Variants in DDC observed in about 807,000 individuals in gnomAD.
DDC encodes the protein aromatic-L-amino-acid decarboxylase.
DDC carries 43 observed loss-of-function variants against 60.0 expected under a neutral mutation model. The observed-to-expected ratio is 0.72, with a 90% CI of 0.56 to 0.92. The LOEUF is 0.92. Ranked by LOEUF, DDC falls within the 40% of genes least tolerant of loss-of-function variation. The probability of loss-of-function intolerance (pLI) is 0.00; values close to 1 mark genes in which losing one functional copy is unlikely to be tolerated. For synonymous variants in DDC, 232 were observed against 234.6 expected (o/e 0.99, Z 0.10); for missense variants, 573 against 620.2 (o/e 0.92, Z 0.81).
At chr7:50,556,055 C>G (rs542847449) in intron 1 of DDC, among the ~76,000 whole-genome samples, 4 of 152,188 alleles carry the variant, frequency 2.6e-5, no homozygotes, top group African/African-American at 9.7e-5. Flanking sequence ...ACAGGGGCAC[C>G]GCAGCTTCCA....
At chr7:50,464,765 G>A (rs941597853) in intron 13 of DDC, among the ~76,000 whole-genome samples, 4 of 152,156 alleles carry the variant, frequency 2.6e-5, no homozygotes, top group African/African-American at 9.7e-5. Flanking sequence ...GAGGGACCGT[G>A]ATGCCATAGC....
In DDC at chr7:50,499,238, G is replaced by A. The variant is rs1344599616; in HGVS notation, c.786C>T (p.Asn262=). The change falls in exon 8 of 15, where the codon AAC becomes AAT. Residue 262 remains asparagine (N), a synonymous_variant. Coordinates refer to ENST00000444124, the MANE Select transcript of DDC (RefSeq NM_001082971.2). ...CAACGTGCAGCCATATGTCTTCCTT[G>A]TTGCCTAAAGTTCAGAATCAACTTG... ...DNLLEVGPIC[N]KEDIWLHVDA... 3 of 1,611,570 alleles carry A rather than the reference G, an allele frequency of 1.9e-6. No homozygotes were observed. In the African/African-American group the frequency reaches 4.0e-5, roughly 22 times the overall value.
intron 4 of DDC, among the ~76,000 whole-genome samples, chr7:50,534,014 T>G (rs1215327619): frequency 6.6e-6 from 1 of 152,230 alleles, no homozygotes; most frequent in East Asian, 1.9e-4. Flanking sequence ...CTTGCTTTTA[T>G]TGAGTGCAAG....
chr7:50,470,799 G>A (rs970237673), intron 11 of DDC, among the ~76,000 whole-genome samples: 5 of 152,180 alleles, frequency 3.3e-5, no homozygotes, highest in African/African-American at 7.2e-5. Context: ...TCAGTTGACC[G>A]GCCCCCACAC....
At chr7:50,562,525 C>A (rs2045365130) in intron 1 of DDC, among the ~76,000 whole-genome samples, 1 of 152,256 alleles carries the variant, frequency 6.6e-6, no homozygotes. Context: ...CAGTGTCAAG[C>A]TGGACAGCCA....
chr7:50,537,948 G>A lies in DDC; in HGVS notation c.347C>T (p.Thr116Ile). 1 of 1,614,170 alleles carries A rather than the reference G, an allele frequency of 6.2e-7. No individual in the cohort carries two copies. Among genetic ancestry groups the A allele is most frequent in the Non-Finnish European group, 8.5e-7 (1 of 1,180,038 alleles). ...CTTCCCGAGCCAGTCCATCATCACA[G>A]TCTCCAGCTCTGTGCATGCTGGGCT... ...AASPACTELETVMMDWLGKML... is the reference protein window; with the variant it reads ...AASPACTELEIVMMDWLGKML... The change falls in exon 4 of 15, where the codon ACT (threonine) becomes ATT (isoleucine). Residue 116 changes from threonine (T) to isoleucine (I), a missense_variant. Thr to Ile is a moderately conservative substitution (Grantham distance 89, BLOSUM62 -1). Coordinates refer to ENST00000444124, the MANE Select transcript of DDC (RefSeq NM_001082971.2).
intron 11 of DDC, among the ~76,000 whole-genome samples, chr7:50,471,959 T>C (rs919238720): frequency 6.6e-6 from 1 of 152,196 alleles, no homozygotes; most frequent in African/African-American, 2.4e-5. Context: ...TAGATTTCAG[T>C]CTAACATTTG....
intron 1 of DDC, among the ~76,000 whole-genome samples, chr7:50,561,830 C>A (rs1279070224): frequency 1.3e-5 from 2 of 152,164 alleles, no homozygotes; most frequent in Non-Finnish European, 2.9e-5. Context: ...GAGCAGCCTG[C>A]AGGTGCCCCT....
At chr7:50,459,640 C>T (rs908966194) in intron 14 of DDC, 10 of 168,912 alleles carry the variant, frequency 5.9e-5, no homozygotes, top group Non-Finnish European at 1.3e-5. Context: ...GCGCCTCTAC[C>T]CGGCCGCGAC....
At position 50,463,297 on chromosome 7, in the gene DDC, A is replaced by C; in HGVS notation, c.1377T>G (p.His459Gln). The change falls in exon 14 of 15, where the codon CAT (histidine) becomes CAG (glutamine). Residue 459 changes from histidine (H) to glutamine (Q), a missense_variant. Coordinates refer to ENST00000444124, the MANE Select transcript of DDC (RefSeq NM_001082971.2). ...AICSRTVESAHVQRAWEHIKE... is the reference protein window; with the variant it reads ...AICSRTVESAQVQRAWEHIKE... ...TGATGTGTTCCCAGGCCCGCTGCACATGGGCAGATTCCACCGTGCGAGAAC... is the reference window on the plus strand; with the variant it reads ...TGATGTGTTCCCAGGCCCGCTGCACCTGGGCAGATTCCACCGTGCGAGAAC... The C allele has an allele frequency of 6.2e-7, 1 of 1,614,226 alleles. No individual in the cohort carries two copies. Among genetic ancestry groups the C allele is most frequent in the African/African-American group, 1.3e-5 (1 of 75,062 alleles).
intron 4 of DDC, among the ~76,000 whole-genome samples, chr7:50,532,787 G>GA (rs1161619047): frequency 6.6e-6 from 1 of 152,176 alleles, no homozygotes; most frequent in Non-Finnish European, 1.5e-5. Flanking sequence ...ATCATCTGCT[G>GA]AAAAAATTGA....
chr7:50,475,693 ATTT>A (rs5884154), intron 11 of DDC, among the ~76,000 whole-genome samples: 1 of 144,154 alleles, frequency 6.9e-6, no homozygotes, highest in Non-Finnish European at 1.5e-5. Context: ...GACACAGGTC[ATTT>A]TTTTTTTTTT....
intron 1 of DDC, among the ~76,000 whole-genome samples, chr7:50,544,442 C>T (rs1250622888): frequency 6.6e-6 from 1 of 152,184 alleles, no homozygotes; most frequent in Non-Finnish European, 1.5e-5. Context: ...CAAGTCCTGC[C>T]TCTGCCCTTA....
At position 50,486,363 on chromosome 7, in the gene DDC, A is replaced by C. The variant is rs143131687; in HGVS notation, c.945-6500T>G. Among the ~76,000 whole-genome samples the C allele has an allele frequency of 2.2e-3, 329 of 152,364 alleles. 1 individual carries two copies. Among genetic ancestry groups the C allele is most frequent in the African/African-American group, 7.6e-3 (318 of 41,586 alleles). On this transcript the variant is annotated intron_variant, in intron 9 of 14. Transcript: ENST00000444124. Reference sequence around the variant, plus strand: ...GTGAAGACTATCCACTGTGGAATGAAGAAAATAAGTTTTTGGTGGTAAGAA... The same window carrying C: ...GTGAAGACTATCCACTGTGGAATGACGAAAATAAGTTTTTGGTGGTAAGAA...
chr7:50,511,709 A>G (rs967296123), intron 6 of DDC, among the ~76,000 whole-genome samples: 2 of 152,200 alleles, frequency 1.3e-5, no homozygotes, highest in African/African-American at 2.4e-5. Flanking sequence ...AGCCTGGGCG[A>G]CAGAGCGAGA....
rs536342825 is a variant in DDC at position 50,493,870 on chromosome 7, A to G, written c.944+1480T>C. Among the ~76,000 whole-genome samples, 14 of 152,206 alleles carry G rather than the reference A, an allele frequency of 9.2e-5. 1 individual carries two copies. The South Asian group carries it at 2.9e-3, about 32-fold the overall frequency. On this transcript the variant is annotated intron_variant, in intron 9 of 14. Transcript: ENST00000444124. ...GGTATTTTGGTAACCTTGAGAGCTG[A>G]CATTAGTTGTTTTGTATAAAAGCTG...
chr7:50,537,808 C>T, intron 4 of DDC, 52 bp downstream of exon 4: 1 of 1,612,612 alleles, frequency 6.2e-7, no homozygotes, highest in Non-Finnish European at 8.5e-7. Flanking sequence ...CGGCTACAGT[C>T]CTGTGCAGAG....
intron 6 of DDC, among the ~76,000 whole-genome samples, chr7:50,521,111 G>C (rs1001166538): frequency 6.6e-6 from 1 of 151,780 alleles, no homozygotes; most frequent in Non-Finnish European, 1.5e-5. Flanking sequence ...TATCAGAAAG[G>C]AAAGTAGAAC....
At chr7:50,527,915 G>T in intron 6 of DDC, 1 of 465,696 alleles carries the variant, frequency 2.1e-6, no homozygotes. Flanking sequence ...AATTTTTTTT[G>T]AGACAGAGTC....
Sources: gnomAD v4.1 joint callset for allele counts (sites outside exome capture counted in the v4.1 genomes callset) on GRCh38, gnomAD v4.1.1 for gene constraint, MANE v1.5 for transcripts, NCBI Gene and HGNC (gene_info 2026-07-23, HGNC 2026-07-21) for gene names.